The following DCC variants were observed in gnomAD, a reference collection of about 807,000 sequenced individuals.
DCC encodes the protein DCC netrin 1 receptor, also known as netrin receptor DCC.
Under a neutral mutation model 172.5 loss-of-function variants are expected in DCC, and 58 were observed. That is an observed-to-expected ratio of 0.34 (90% CI 0.27 to 0.42). DCC has a LOEUF of 0.42. Among genes scored for constraint, DCC ranks in the 10% least tolerant of loss-of-function variants. DCC has a pLI of 1.00. For missense variants in DCC, 1,740 were observed against 1,791.0 expected, an observed-to-expected ratio of 0.97 and a Z score of 0.51; for synonymous variants, 709 against 644.5, an observed-to-expected ratio of 1.10 and a Z score of -1.52.
At chr18:53,167,630 CA>C (rs946439696) in intron 8 of DCC, among the ~76,000 whole-genome samples, 2 of 152,092 alleles carry the variant, frequency 1.3e-5, no homozygotes, top group Non-Finnish European at 2.9e-5. Context: ...TGAGCCCCAG[CA>C]ATGTAGCCAT....
chr18:52,763,542 T>C (rs987233040), intron 2 of DCC, among the ~76,000 whole-genome samples: 1 of 152,240 alleles, frequency 6.6e-6, no homozygotes. Context: ...GAATATGTAA[T>C]TGCAGATAAA....
At chr18:52,764,499 T>G (rs897707424) in intron 2 of DCC, among the ~76,000 whole-genome samples, 4 of 152,202 alleles carry the variant, frequency 2.6e-5, no homozygotes, top group African/African-American at 9.7e-5. Flanking sequence ...ATAAATGAGC[T>G]CTTGCTTTAT....
chr18:53,396,648 C>T (rs982725997), intron 17 of DCC, among the ~76,000 whole-genome samples: 1 of 152,140 alleles, frequency 6.6e-6, no homozygotes, highest in African/African-American at 2.4e-5. Context: ...CTCATGTTCT[C>T]TATAAGATGT....
intron 2 of DCC, among the ~76,000 whole-genome samples, chr18:52,874,785 GA>G (rs1432927804): frequency 6.6e-6 from 1 of 152,176 alleles, no homozygotes; most frequent in Non-Finnish European, 1.5e-5. Context: ...CATAGAGACA[GA>G]AGGCAGGGCA....
chr18:52,709,321 C>A (rs1319812038), intron 1 of DCC, among the ~76,000 whole-genome samples: 2 of 152,168 alleles, frequency 1.3e-5, no homozygotes, highest in Non-Finnish European at 2.9e-5. Flanking sequence ...GACTGACTGT[C>A]TAATTCCAAA....
At chr18:52,821,321 T>G (rs574583526) in intron 2 of DCC, among the ~76,000 whole-genome samples, 1 of 152,270 alleles carries the variant, frequency 6.6e-6, no homozygotes, top group African/African-American at 2.4e-5. Flanking sequence ...CCGAGGTGTA[T>G]TCCTCTCTTC....
At chr18:53,032,875 ACT>A (rs2042044078) in intron 5 of DCC, among the ~76,000 whole-genome samples, 1 of 151,896 alleles carries the variant, frequency 6.6e-6, no homozygotes, top group South Asian at 2.1e-4. Flanking sequence ...GGAAATGGTG[ACT>A]CTCCCAGAAA....
chr18:53,003,852 A>G (rs2041604991), intron 5 of DCC, among the ~76,000 whole-genome samples: 1 of 152,130 alleles, frequency 6.6e-6, no homozygotes, highest in African/African-American at 2.4e-5. Flanking sequence ...ATTAGTGTTC[A>G]TATTTAACCC....
intron 8 of DCC, among the ~76,000 whole-genome samples, chr18:53,171,686 C>T (rs1411816068): frequency 1.3e-5 from 2 of 151,854 alleles, no homozygotes; most frequent in African/African-American, 4.8e-5. Flanking sequence ...TTCTTGCGTC[C>T]CTTTCCTTTA....
chr18:52,562,235 A>G (rs958694717), intron 1 of DCC, among the ~76,000 whole-genome samples: 2 of 152,176 alleles, frequency 1.3e-5, no homozygotes, highest in African/African-American at 4.8e-5. Context: ...CCTTGGCCCT[A>G]AAGGAGGGGA....
At chr18:52,897,487 G>T (rs1270635233) in intron 2 of DCC, among the ~76,000 whole-genome samples, 1 of 152,166 alleles carries the variant, frequency 6.6e-6, no homozygotes, top group African/African-American at 2.4e-5. Flanking sequence ...ACCAATATTT[G>T]TGTATTTTTT....
intron 12 of DCC, among the ~76,000 whole-genome samples, chr18:53,250,968 G>A (rs992466208): frequency 2.0e-5 from 3 of 151,854 alleles, no homozygotes; most frequent in Non-Finnish European, 4.4e-5. Context: ...GTTGTGCATG[G>A]TTTACCATTC....
intron 1 of DCC, among the ~76,000 whole-genome samples, chr18:52,636,640 A>G (rs984002644): frequency 6.6e-6 from 1 of 152,024 alleles, no homozygotes; most frequent in Non-Finnish European, 1.5e-5. Flanking sequence ...ACTCCAGTAT[A>G]CAACTCCCAT....
chr18:52,847,632 C>T (rs190749002), intron 2 of DCC, among the ~76,000 whole-genome samples: 193 of 152,274 alleles, frequency 1.3e-3, no homozygotes, highest in African/African-American at 4.5e-3. Context: ...CTCCAAGACA[C>T]ATACTCCCAA....
chr18:53,387,316 A>G (rs1026481934), intron 16 of DCC, among the ~76,000 whole-genome samples: 7 of 152,170 alleles, frequency 4.6e-5, no homozygotes, highest in Non-Finnish European at 7.4e-5. Flanking sequence ...TACTGTCACT[A>G]TATTGATTTT....
chr18:53,347,904 A>G (rs1430061327), intron 15 of DCC, among the ~76,000 whole-genome samples: 1 of 152,166 alleles, frequency 6.6e-6, no homozygotes, highest in Non-Finnish European at 1.5e-5. Context: ...CCTATAATTC[A>G]GCCACCTCCC....
At chr18:52,644,189 C>A (rs1224490446) in intron 1 of DCC, among the ~76,000 whole-genome samples, 1 of 152,178 alleles carries the variant, frequency 6.6e-6, no homozygotes, top group East Asian at 1.9e-4. Context: ...AGATGAGCAT[C>A]ACCAGACCCC....
chr18:53,012,102 A>G (rs1373300218), intron 5 of DCC, among the ~76,000 whole-genome samples: 1 of 151,932 alleles, frequency 6.6e-6, no homozygotes, highest in Non-Finnish European at 1.5e-5. Flanking sequence ...TGGAATGTAA[A>G]GATGAAGTTA....
At chr18:52,620,223 T>A (rs1316142024) in intron 1 of DCC, among the ~76,000 whole-genome samples, 2 of 152,194 alleles carry the variant, frequency 1.3e-5, no homozygotes, top group African/African-American at 4.8e-5. Context: ...AAACAATTTC[T>A]CTCCTTATCT....
Sources: allele counts gnomAD v4.1 joint callset (sites outside exome capture counted in the v4.1 genomes callset), GRCh38; gene constraint gnomAD v4.1.1; transcripts MANE v1.5; gene names NCBI Gene and HGNC (gene_info 2026-07-23, HGNC 2026-07-21).